The following CD8B2 variants were observed in gnomAD, a reference collection of about 807,000 sequenced individuals.
CD8B2 encodes the protein CD8B family member 2, also known as T-cell surface glycoprotein CD8 beta-2 chain.
Under a neutral mutation model 23.7 loss-of-function variants are expected in CD8B2, and 11 were observed. The observed-to-expected ratio is 0.46, with a 90% CI of 0.29 to 0.77. The LOEUF is 0.77. CD8B2 is among the 30% of genes least tolerant of loss of function. CD8B2 has a pLI of 0.09. For synonymous variants in CD8B2, 90 were observed against 109.3 expected (o/e 0.82, Z 1.10); for missense variants, 197 against 270.5 (o/e 0.73, Z 1.91).
At position 106,506,375 on chromosome 2, in the gene CD8B2, ACCT is replaced by A. The variant is rs561295938; in HGVS notation, c.621-548_621-546del. 3.1e-3 allele frequency among the ~76,000 whole-genome samples: 463 copies of A among 151,486 alleles called. 4 individuals are homozygous for A. Among genetic ancestry groups the A allele is most frequent in the African/African-American group, 0.011 (448 of 41,260 alleles). On this transcript the variant is annotated intron_variant, in intron 5 of 5. Coordinates refer to ENST00000643224, the MANE Select transcript of CD8B2 (RefSeq NM_001349727.2). ...TGGGTGGTCGTGGGGGGACCCTGAG[ACCT>A]CCTCACTCTCTTCATTTTGAACAGA... is the stretch of plus-strand genomic sequence containing the variant.
At chr2:106,534,953 C>T (rs906576893) in intron 5 of CD8B2, among the ~76,000 whole-genome samples, 7 of 152,022 alleles carry the variant, frequency 4.6e-5, no homozygotes, top group African/African-American at 1.7e-4. Context: ...TCCTGAGTAG[C>T]TGGGATTACA....
At chr2:106,499,258 C>T (rs1160243027) in intron 3 of CD8B2, among the ~76,000 whole-genome samples, 7 of 152,098 alleles carry the variant, frequency 4.6e-5, no homozygotes, top group Non-Finnish European at 8.8e-5. Flanking sequence ...TTGAGCTAGG[C>T]ATGGTGGCTC....
intron 5 of CD8B2, chr2:106,538,046 G>C (rs1202178275): frequency 6.6e-6 from 1 of 152,208 alleles, no homozygotes; most frequent in Non-Finnish European, 1.5e-5. Context: ...GGAGGCCTGC[G>C]GACCTTCAGT....
intron 5 of CD8B2, 118 bp from the exon 6 acceptor site, chr2:106,506,810 G>C: frequency 2.1e-6 from 3 of 1,397,974 alleles, no homozygotes; most frequent in South Asian, 2.8e-5. Context: ...AAAAACTCTC[G>C]GCCCCAGGCT....
chr2:106,532,350 A>G (rs1488208157), intron 5 of CD8B2, among the ~76,000 whole-genome samples: 1 of 151,982 alleles, frequency 6.6e-6, no homozygotes, highest in Non-Finnish European at 1.5e-5. Flanking sequence ...TTTTTCTATT[A>G]AAGCGAGCTA....
chr2:106,541,838 T>G (rs1275984548), intron 5 of CD8B2, among the ~76,000 whole-genome samples: 3 of 152,188 alleles, frequency 2.0e-5, no homozygotes, highest in Non-Finnish European at 4.4e-5. Context: ...TTTCATCCCT[T>G]CTATCCTTCC....
chr2:106,514,286 CT>C (rs536439504), downstream of CD8B2, among the ~76,000 whole-genome samples: 76,377 of 111,732 alleles, frequency 0.68, 26,234 homozygotes, highest in Non-Finnish European at 0.72. Context: ...GAACGCTTGT[CT>C]TTTTTTTTTT....
chr2:106,514,595 C>T (rs1679697406), downstream of CD8B2, among the ~76,000 whole-genome samples: 1 of 151,662 alleles, frequency 6.6e-6, no homozygotes, highest in South Asian at 2.1e-4. Flanking sequence ...CCTGGAACGT[C>T]TGTCTTATAA....
chr2:106,489,894 G>A (rs1210421269), intron 1 of CD8B2, among the ~76,000 whole-genome samples: 1 of 152,134 alleles, frequency 6.6e-6, no homozygotes, highest in Non-Finnish European at 1.5e-5. Context: ...AGCTGGCACG[G>A]CCAGAGGCTG....
chr2:106,520,868 T>TCAAAA (rs1250204054), intron 5 of CD8B2, among the ~76,000 whole-genome samples: 2 of 148,482 alleles, frequency 1.3e-5, no homozygotes, highest in South Asian at 2.2e-4. Context: ...AGACTCTGTC[T>TCAAAA]CAAAACAAAA....
exon 6 of CD8B2, chr2:106,544,114 T>C: frequency 2.5e-6 from 1 of 398,626 alleles, no homozygotes; most frequent in African/African-American, 2.1e-5. Context: ...CATCAATAAT[T>C]GCAGGACTTG....
intron 2 of CD8B2, among the ~76,000 whole-genome samples, chr2:106,493,237 TGA>T (rs1158634272): frequency 1.3e-5 from 2 of 152,160 alleles, no homozygotes; most frequent in African/African-American, 4.8e-5. Flanking sequence ...CTGGGATGGT[TGA>T]GAAAGTGTTT....
chr2:106,490,034 G>T (rs1573326965), intron 1 of CD8B2, among the ~76,000 whole-genome samples: 1 of 151,956 alleles, frequency 6.6e-6, no homozygotes, highest in East Asian at 1.9e-4. Context: ...TTCCACTGGG[G>T]AATACGGATC....
In CD8B2 at chr2:106,507,385, C is replaced by T. The variant is rs1573337695; in HGVS notation, c.*445C>T. 1 of 987,358 alleles carries T rather than the reference C, an allele frequency of 1.0e-6. No homozygotes were observed. Among genetic ancestry groups the T allele is most frequent in the East Asian group, 1.1e-4 (1 of 8,902 alleles). The allele number at this position is 987,358 out of a possible 1,614,324, so 61.2% of individuals were successfully genotyped here. A position where few individuals can be genotyped will look rare whatever the true frequency, so the allele number is the denominator to read the frequency against. On this transcript the variant is annotated 3_prime_UTR_variant, in exon 6 of 6. Coordinates refer to ENST00000643224, the MANE Select transcript of CD8B2 (RefSeq NM_001349727.2). ...TTGGTCTTCCCAGGCTGGGGCTGAC[C>T]TTCCTCGCAGAGAGGCCAGGTGCAG...
intron 5 of CD8B2, among the ~76,000 whole-genome samples, chr2:106,534,761 A>C (rs1018415747): frequency 5.3e-5 from 8 of 152,196 alleles, no homozygotes; most frequent in Non-Finnish European, 1.2e-4. Context: ...GGTAGGAGCT[A>C]CAGTTCAAAA....
intron 2 of CD8B2, among the ~76,000 whole-genome samples, chr2:106,494,495 A>G: frequency 6.7e-6 from 1 of 148,250 alleles, no homozygotes. Flanking sequence ...TGTCCCCCTG[A>G]CTCTAGAGTT....
Position 106,502,180 on chromosome 2 carries a change from C to A in CD8B2, c.494-294C>A, listed in dbSNP as rs573756958. On this transcript the variant is annotated intron_variant, in intron 3 of 5. Transcript: ENST00000643224. ...GCATGGTGGCACATGCCTGTAATCC[C>A]AGCTACTCGGGAGGCTAAGAATGAG... Among the ~76,000 whole-genome samples the A allele has an allele frequency of 1.1e-3, 165 of 150,570 alleles. 2 individuals carry two copies. The Middle Eastern group carries it at 0.017, about 16-fold the overall frequency.
In CD8B2 at chr2:106,508,697, T is replaced by C. The variant is rs1240097309; in HGVS notation, c.*1757T>C. Reference sequence around the variant, plus strand: ...TTTGAGGTACCTGTCGGCTACCCCTTAATCTGGGTGAAGGATTTGGTCCAT... The same window carrying C: ...TTTGAGGTACCTGTCGGCTACCCCTCAATCTGGGTGAAGGATTTGGTCCAT... On this transcript the variant is annotated 3_prime_UTR_variant, in exon 6 of 6. Transcript: ENST00000643224. 6.6e-6 allele frequency: 1 copy of C among 152,198 alleles called. No homozygotes were observed. The highest frequency in any genetic ancestry group is 1.5e-5 in the Non-Finnish European group (1 of 68,054). The allele number at this position is 152,198 out of a possible 1,614,324, so 9.4% of individuals were successfully genotyped here.
chr2:106,543,584 A>C (rs911569966), intron 5 of CD8B2, among the ~76,000 whole-genome samples: 8 of 151,210 alleles, frequency 5.3e-5, no homozygotes, highest in Non-Finnish European at 1.0e-4. Flanking sequence ...AAAGAAACAA[A>C]ATATCCAAAG....
Sources: gnomAD v4.1 joint callset for allele counts (sites outside exome capture counted in the v4.1 genomes callset) on GRCh38, gnomAD v4.1.1 for gene constraint, MANE v1.5 for transcripts, NCBI Gene and HGNC (gene_info 2026-07-23, HGNC 2026-07-21) for gene names.